The following TEX9 variants were observed in gnomAD, a reference collection of about 807,000 sequenced individuals.
TEX9 encodes the protein testis expressed 9, also known as testis-expressed protein 9.
A neutral mutation model predicts 59.6 loss-of-function variants in TEX9; 74 were observed. That is an observed-to-expected ratio of 1.24 (90% CI 1.03 to 1.51). The LOEUF (loss-of-function observed/expected upper bound fraction) is 1.51. TEX9 is among the 40% of genes most tolerant of loss of function. The pLI is 0.00. For missense variants in TEX9, 522 were observed against 447.8 expected, an observed-to-expected ratio of 1.17 and a Z score of -1.49; for synonymous variants, 186 against 152.2, an observed-to-expected ratio of 1.22 and a Z score of -1.64.
At chr15:56,365,112 T>A (rs1246651114), upstream of TEX9, among the ~76,000 whole-genome samples, 2 of 152,170 alleles carry the variant, frequency 1.3e-5, no homozygotes, top group Non-Finnish European at 2.9e-5. Flanking sequence ...CCACTAACGG[T>A]TTGAAAAGCA....
chr15:56,325,626 G>C (rs1567086476), intron 1 of TEX9, among the ~76,000 whole-genome samples: 1 of 152,068 alleles, frequency 6.6e-6, no homozygotes, highest in Non-Finnish European at 1.5e-5. Flanking sequence ...CATAATGTAA[G>C]GTAAAGATAT....
chr15:56,426,414 T>C (rs2050245931), intron 10 of TEX9, among the ~76,000 whole-genome samples: 1 of 151,134 alleles, frequency 6.6e-6, no homozygotes, highest in African/African-American at 2.4e-5. Context: ...TCTTGGTTGC[T>C]GCTGCTGACT....
intron 11 of TEX9, among the ~76,000 whole-genome samples, chr15:56,428,039 T>C (rs776033037): frequency 1.3e-5 from 2 of 152,100 alleles, no homozygotes; most frequent in African/African-American, 4.8e-5. Context: ...GGGGACTGTT[T>C]GCCTCTTCAA....
At chr15:56,292,961 C>T in intron 1 of TEX9, among the ~76,000 whole-genome samples, 1 of 152,184 alleles carries the variant, frequency 6.6e-6, no homozygotes, top group East Asian at 1.9e-4. Context: ...TGTTAGCTTT[C>T]TTCTGAGAAT....
chr15:56,349,928 C>G (rs537577273), intron 1 of TEX9, among the ~76,000 whole-genome samples: 1 of 152,154 alleles, frequency 6.6e-6, no homozygotes, highest in African/African-American at 2.4e-5. Flanking sequence ...ACCTAAAGAA[C>G]ATCTGTTCAT....
At chr15:56,319,505 A>G (rs776077867) in intron 1 of TEX9, among the ~76,000 whole-genome samples, 4 of 152,090 alleles carry the variant, frequency 2.6e-5, no homozygotes, top group Admixed American at 2.0e-4. Context: ...TCTTCTTTCC[A>G]TAATAAAAAG....
chr15:56,403,760 C>T (rs941038816), intron 9 of TEX9, among the ~76,000 whole-genome samples: 3 of 152,190 alleles, frequency 2.0e-5, no homozygotes, highest in African/African-American at 7.2e-5. Flanking sequence ...ACCAAAACAG[C>T]GTGGTACTGC....
chr15:56,373,076 T>G (rs1165999873), intron 2 of TEX9, among the ~76,000 whole-genome samples: 2 of 152,170 alleles, frequency 1.3e-5, no homozygotes, highest in Admixed American at 1.3e-4. Flanking sequence ...GGCCTGTCTC[T>G]GGAGAAGCAA....
intron 12 of TEX9, chr15:56,428,853 G>T: frequency 4.7e-6 from 2 of 427,658 alleles, no homozygotes; most frequent in South Asian, 7.7e-5. Flanking sequence ...CTGTCTTGAG[G>T]ATGGGGATGC....
At chr15:56,444,661 C>G in intron 12 of TEX9, 1 of 1,610,770 alleles carries the variant, frequency 6.2e-7, no homozygotes, top group Non-Finnish European at 8.5e-7. Context: ...TTGGCTATTT[C>G]AGCATCACGT....
At chr15:56,377,327 C>A (rs1181233406) in intron 3 of TEX9, among the ~76,000 whole-genome samples, 2 of 152,072 alleles carry the variant, frequency 1.3e-5, no homozygotes, top group Non-Finnish European at 2.9e-5. Context: ...TGCCTTGAAT[C>A]TGTAGATTGC....
intron 10 of TEX9, among the ~76,000 whole-genome samples, chr15:56,420,266 C>T (rs1446681421): frequency 6.7e-6 from 1 of 150,372 alleles, no homozygotes; most frequent in African/African-American, 2.5e-5. Flanking sequence ...ATTTCTTTCC[C>T]TCTCCTTACT....
intron 12 of TEX9, among the ~76,000 whole-genome samples, chr15:56,437,170 A>C (rs1213335659): frequency 1.3e-5 from 2 of 152,196 alleles, no homozygotes; most frequent in African/African-American, 4.8e-5. Flanking sequence ...AAAAAAAGAG[A>C]ATTTAAGACC....
chr15:56,405,480 C>G (rs563176704), intron 9 of TEX9, among the ~76,000 whole-genome samples: 29 of 152,162 alleles, frequency 1.9e-4, no homozygotes, highest in African/African-American at 7.0e-4. Context: ...ACGTAAGTAC[C>G]ATCTATTCCA....
intron 1 of TEX9, among the ~76,000 whole-genome samples, chr15:56,245,010 T>G (rs1234877660): frequency 6.6e-6 from 1 of 152,172 alleles, no homozygotes; most frequent in Non-Finnish European, 1.5e-5. Context: ...TTTGGGCCCG[T>G]GGGTGTTATG....
chr15:56,366,225 C>G (rs1356725302), intron 2 of TEX9, among the ~76,000 whole-genome samples: 1 of 152,136 alleles, frequency 6.6e-6, no homozygotes, highest in African/African-American at 2.4e-5. Flanking sequence ...CACACAGCAG[C>G]CAGTGTAATC....
intron 10 of TEX9, among the ~76,000 whole-genome samples, chr15:56,413,765 A>G (rs2049525708): frequency 6.6e-6 from 1 of 151,876 alleles, no homozygotes. Context: ...AACCACCTTC[A>G]TTATATACAC....
intron 1 of TEX9, among the ~76,000 whole-genome samples, chr15:56,311,449 C>T (rs1649991549): frequency 7.7e-6 from 1 of 130,250 alleles, no homozygotes; most frequent in Admixed American, 8.3e-5. Context: ...CAGTTTCATC[C>T]ATGTCCCTAC....
chr15:56,335,259 T>C (rs561416332), intron 1 of TEX9, among the ~76,000 whole-genome samples: 2 of 152,218 alleles, frequency 1.3e-5, no homozygotes, highest in Non-Finnish European at 1.5e-5. Flanking sequence ...TAAGCGTCCA[T>C]CAGCAGATGA....
Sources: allele counts gnomAD v4.1 joint callset (sites outside exome capture counted in the v4.1 genomes callset), GRCh38; gene constraint gnomAD v4.1.1; transcripts MANE v1.5; gene names NCBI Gene and HGNC (gene_info 2026-07-23, HGNC 2026-07-21).